ZNF273: variants seen among roughly 807,000 people sequenced by gnomAD.
ZNF273 encodes zinc finger protein 9.
In ZNF273, 11 loss-of-function variants were observed where a neutral mutation model predicts 14.9. The observed-to-expected ratio is 0.74, with a 90% CI of 0.46 to 1.22. The LOEUF (loss-of-function observed/expected upper bound fraction) is 1.22, where lower values mean the gene tolerates loss of function less well. Among genes scored for constraint, ZNF273 ranks in the 50% most tolerant of loss-of-function variants. The pLI, the probability that ZNF273 is intolerant of heterozygous loss-of-function variation, is 0.00. For missense variants in ZNF273, 577 were observed against 660.6 expected (o/e 0.87, Z 1.39); for synonymous variants, 199 against 223.9 (o/e 0.89, Z 0.99).
chr7:64,918,087 T>G (rs986866345), intron 2 of ZNF273, 110 bp from the exon 3 acceptor site: 3 of 978,622 alleles, frequency 3.1e-6, no homozygotes, highest in Non-Finnish European at 4.3e-6. Context: ...TTAGATATTT[T>G]GGGATTAATT....
intron 1 of ZNF273, among the ~76,000 whole-genome samples, chr7:64,906,444 T>C (rs1346585254): frequency 6.6e-6 from 1 of 152,240 alleles, no homozygotes; most frequent in Non-Finnish European, 1.5e-5. Flanking sequence ...CCTTAAAATG[T>C]CTTCCCCTTA....
At chr7:64,881,082 G>A (rs1583947441), downstream of ZNF273, among the ~76,000 whole-genome samples, 1 of 152,172 alleles carries the variant, frequency 6.6e-6, no homozygotes, top group South Asian at 2.1e-4. Flanking sequence ...ATCCACCCCC[G>A]CATTCCCTTC....
At position 64,928,945 on chromosome 7, in the gene ZNF273, G is replaced by T. The variant is rs754574241; in HGVS notation, c.1617G>T (p.Glu539Asp). 1.4e-5 allele frequency: 23 copies of T among 1,612,414 alleles called. 1 individual carries two copies. The South Asian group carries it at 2.5e-4, about 18-fold the overall frequency. The change falls in exon 4 of 4, where the codon GAG (glutamate) becomes GAT (aspartate). Residue 539 changes from glutamate to aspartate, a missense_variant. Coordinates refer to ENST00000476120, the MANE Select transcript of ZNF273 (RefSeq NM_021148.3). ...GACATAAGAAAATTCATACTGGAGA[G>T]AAACCATACAAACCTAAAAGATGTG... Reference protein sequence around the residue: ...LTRHKKIHTGEKPYKPKRCDS... With the variant: ...LTRHKKIHTGDKPYKPKRCDS...
chr7:64,935,643 C>T (rs528827630), downstream of ZNF273, among the ~76,000 whole-genome samples: 75 of 152,194 alleles, frequency 4.9e-4, no homozygotes, highest in African/African-American at 1.7e-3. Context: ...CTGCCTCAGC[C>T]TCCCAAGTAA....
At chr7:64,918,085 T>A in intron 2 of ZNF273, 112 bp from the exon 3 acceptor site, 1 of 966,874 alleles carries the variant, frequency 1.0e-6, no homozygotes, top group South Asian at 1.7e-5. Context: ...AATTAGATAT[T>A]TTGGGATTAA....
chr7:64,936,145 T>C, the ZNF273 span, among the ~76,000 whole-genome samples: 1 of 152,244 alleles, frequency 6.6e-6, no homozygotes, highest in Admixed American at 6.5e-5. Flanking sequence ...TATTATTCTC[T>C]GATTTCCTTT....
At chr7:64,907,581 G>A (rs1334925699) in intron 1 of ZNF273, among the ~76,000 whole-genome samples, 1 of 152,190 alleles carries the variant, frequency 6.6e-6, no homozygotes, top group Admixed American at 6.5e-5. Flanking sequence ...TCTGCAGTGA[G>A]GATAGTGTTG....
chr7:64,921,622 TTTTTTTTTTTTTTTTG>T (rs1794457324), intron 3 of ZNF273, among the ~76,000 whole-genome samples: 1 of 40,748 alleles, frequency 2.5e-5, no homozygotes. Flanking sequence ...TTTTTTTTTT[TTTTTTTTTTTTTTTTG>T]TGTGTGAGAC....
chr7:64,891,033 T>C (rs1791998316), downstream of ZNF273, among the ~76,000 whole-genome samples: 1 of 152,230 alleles, frequency 6.6e-6, no homozygotes, highest in Non-Finnish European at 1.5e-5. Flanking sequence ...GGGCTCCCCA[T>C]TGCTCAAAAT....
At position 64,903,313 on chromosome 7, in the gene ZNF273, G is replaced by A. The variant is rs944855172; in HGVS notation, c.-5G>A. The A allele has an allele frequency of 6.2e-7, 1 of 1,609,374 alleles. No homozygotes were observed. The highest frequency in any genetic ancestry group is 1.3e-5 in the African/African-American group (1 of 74,912). On this transcript the variant is annotated 5_prime_UTR_variant, in exon 1 of 4. Coordinates refer to ENST00000476120, the MANE Select transcript of ZNF273 (RefSeq NM_021148.3). ...CGCAGCTCCAGGTCTCGTCTTCACTGCTCTATGTCCTCTGCTCCTAGAGGT... is the reference window on the plus strand; with the variant it reads ...CGCAGCTCCAGGTCTCGTCTTCACTACTCTATGTCCTCTGCTCCTAGAGGT...
chr7:64,929,193 CATT>C lies in ZNF273; in HGVS notation c.*157_*159del. 4.9e-6 allele frequency: 1 copy of C among 205,104 alleles called. No homozygotes were observed. Among genetic ancestry groups the C allele is most frequent in the East Asian group, 1.4e-4 (1 of 7,340 alleles). 12.7% of individuals were successfully genotyped at this position (205,104 alleles called of 1,614,324 possible). On this transcript the variant is annotated 3_prime_UTR_variant, in exon 4 of 4. Transcript: ENST00000476120. ...AAAATTGTATAAAGAATGGAAAAGT[CATT>C]AATATCTGCTCATATCTTAACATCA...
chr7:64,925,116 TTAAA>T (rs1294809196), intron 3 of ZNF273, among the ~76,000 whole-genome samples: 3 of 152,336 alleles, frequency 2.0e-5, no homozygotes, highest in Middle Eastern at 3.4e-3. Flanking sequence ...TTTCAATTTT[TTAAA>T]TAAATCCCTT....
upstream of ZNF273, chr7:64,903,181 A>G (rs1448447999): frequency 4.5e-6 from 3 of 667,828 alleles, no homozygotes; most frequent in South Asian, 1.8e-5. Flanking sequence ...GTCCTTAAAC[A>G]TCCTCCAATC....
chr7:64,932,302 AATTT>A (rs571234984), downstream of ZNF273, among the ~76,000 whole-genome samples: 9 of 151,832 alleles, frequency 5.9e-5, no homozygotes, highest in Non-Finnish European at 7.4e-5. Flanking sequence ...ATATGTTAGA[AATTT>A]ATTTATTTAT....
Position 64,912,826 on chromosome 7 carries a change from G to GTTTTTTGTTGTTGTTGTTGTT in ZNF273, c.103-4749_103-4748insGTTGTTGTTGTTGTTTTTTTT. 1.9e-4 allele frequency among the ~76,000 whole-genome samples: 7 copies of GTTTTTTGTTGTTGTTGTTGTT among 36,568 alleles called. 1 individual carries two copies. The highest frequency in any genetic ancestry group is 3.4e-4 in the Non-Finnish European group (6 of 17,638). 24.0% of individuals were successfully genotyped at this position (36,568 alleles called of 152,430 possible). On this transcript the variant is annotated intron_variant, in intron 1 of 3. Transcript: ENST00000476120. Reference sequence around the variant, plus strand: ...TCTTTTTGACTCAGGATTCATTTTAGTTTTTTTTTTTTTTTTTTTTGAGAT... The same window carrying GTTTTTTGTTGTTGTTGTTGTT: ...TCTTTTTGACTCAGGATTCATTTTAGTTTTTTGTTGTTGTTGTTGTTTTTTTTTTTTTTTTTTTTTTGAGAT...
At chr7:64,931,092 C>T (rs769825705), downstream of ZNF273, 2 of 152,018 alleles carry the variant, frequency 1.3e-5, no homozygotes, top group South Asian at 2.1e-4. Context: ...ATATATTTTA[C>T]TTTAAAGATA....
At chr7:64,899,094 C>T (rs946649146), upstream of ZNF273, among the ~76,000 whole-genome samples, 1 of 152,114 alleles carries the variant, frequency 6.6e-6, no homozygotes, top group Non-Finnish European at 1.5e-5. Context: ...CCTTGGAAAC[C>T]CTAGGAAGCC....
At chr7:64,916,911 T>C in intron 1 of ZNF273, 1 of 849,582 alleles carries the variant, frequency 1.2e-6, no homozygotes, top group Non-Finnish European at 1.5e-6. Context: ...TTATTAAGTA[T>C]CTTTATGCAG....
At chr7:64,923,257 T>C (rs1019681644) in intron 3 of ZNF273, 1 of 439,774 alleles carries the variant, frequency 2.3e-6, no homozygotes, top group African/African-American at 2.1e-5. Flanking sequence ...TTTATCGTTA[T>C]AGTTGTTAGA....
Sources: gnomAD v4.1 joint callset for allele counts (sites outside exome capture counted in the v4.1 genomes callset) on GRCh38, gnomAD v4.1.1 for gene constraint, MANE v1.5 for transcripts, NCBI Gene and HGNC (gene_info 2026-07-23, HGNC 2026-07-21) for gene names.